The following LRPPRC variants were observed in gnomAD, a reference collection of about 807,000 sequenced individuals.
LRPPRC encodes leucine-rich PPR motif-containing protein, mitochondrial.
In LRPPRC, 120 loss-of-function variants were observed where a neutral mutation model predicts 180.3. That is an observed-to-expected ratio of 0.67 (90% CI 0.57 to 0.77). LRPPRC has a LOEUF of 0.77. LRPPRC is among the 30% of genes least tolerant of loss of function. LRPPRC has a pLI of 0.00. For synonymous variants in LRPPRC, 723 were observed against 600.0 expected (o/e 1.21, Z -3.00); for missense variants, 2,012 against 1,657.2 (o/e 1.21, Z -3.72).
chr2:43,962,589 T>C (rs1175914735), intron 12 of LRPPRC, among the ~76,000 whole-genome samples: 1 of 152,214 alleles, frequency 6.6e-6, no homozygotes, highest in East Asian at 1.9e-4. Context: ...GTTTTGAAAG[T>C]GGAAAACGCA....
At chr2:43,974,899 A>AC in intron 7 of LRPPRC, 141 bp from the exon 8 acceptor site, 1 of 968,736 alleles carries the variant, frequency 1.0e-6, no homozygotes, top group Non-Finnish European at 1.6e-6. Context: ...AACAGGAAAT[A>AC]CTCTACTTCA....
chr2:43,959,749 T>C (rs1673261691), intron 13 of LRPPRC, among the ~76,000 whole-genome samples: 1 of 152,146 alleles, frequency 6.6e-6, no homozygotes, highest in Non-Finnish European at 1.5e-5. Flanking sequence ...CTGGGCATAG[T>C]GGCATGTGCC....
chr2:43,979,767 T>C, intron 3 of LRPPRC, 59 bp downstream of exon 3: 4 of 1,509,510 alleles, frequency 2.6e-6, no homozygotes, highest in Admixed American at 1.7e-5. Context: ...AAACACTTTT[T>C]TGCAAAAAGA....
At chr2:43,890,606 GGGAGGC>G (rs1334067326) in intron 36 of LRPPRC, among the ~76,000 whole-genome samples, 1 of 152,184 alleles carries the variant, frequency 6.6e-6, no homozygotes. Context: ...CCAGCTACTT[GGGAGGC>G]GGAGGCAGGA....
At chr2:43,899,397 G>C in intron 33 of LRPPRC, 63 bp from the exon 34 acceptor site, 6 of 1,602,430 alleles carry the variant, frequency 3.7e-6, no homozygotes, top group Non-Finnish European at 5.1e-6. Flanking sequence ...ACCTACCAAA[G>C]AAATTTGGTC....
At chr2:43,948,026 T>G (rs1473540918) in intron 18 of LRPPRC, 96 bp downstream of exon 18, 1 of 891,724 alleles carries the variant, frequency 1.1e-6, no homozygotes, top group Non-Finnish European at 1.8e-6. Flanking sequence ...AACAAATTTT[T>G]TTTCTGACCA....
intron 20 of LRPPRC, among the ~76,000 whole-genome samples, chr2:43,946,979 G>A (rs955670080): frequency 1.3e-5 from 2 of 151,986 alleles, no homozygotes. Flanking sequence ...ATAAGAGACC[G>A]GAGCCATGGC....
intron 1 of LRPPRC, among the ~76,000 whole-genome samples, chr2:43,987,323 G>C (rs151116631): frequency 2.0e-5 from 3 of 151,738 alleles, no homozygotes; most frequent in African/African-American, 7.3e-5. Flanking sequence ...GCGAAACCCC[G>C]TCTCTAATAA....
chr2:43,909,269 C>T (rs1262540749), intron 30 of LRPPRC, among the ~76,000 whole-genome samples: 1 of 152,104 alleles, frequency 6.6e-6, no homozygotes, highest in Non-Finnish European at 1.5e-5. Flanking sequence ...GACATGCATC[C>T]AAAGCCCAGA....
At chr2:43,966,771 C>T (rs1673579617) in intron 11 of LRPPRC, among the ~76,000 whole-genome samples, 1 of 151,902 alleles carries the variant, frequency 6.6e-6, no homozygotes, top group Admixed American at 6.6e-5. Context: ...TAAATAAAAG[C>T]CCAGCACGGT....
chr2:43,931,894 C>T (rs1285310063), intron 25 of LRPPRC, among the ~76,000 whole-genome samples: 1 of 151,994 alleles, frequency 6.6e-6, no homozygotes, highest in Non-Finnish European at 1.5e-5. Flanking sequence ...CCCCTTCCCT[C>T]CTTCCTTTCC....
intron 27 of LRPPRC, among the ~76,000 whole-genome samples, chr2:43,920,697 A>G (rs1365570665): frequency 6.6e-6 from 1 of 152,150 alleles, no homozygotes; most frequent in East Asian, 1.9e-4. Context: ...AAAAAAAAAA[A>G]AAATCCAAGC....
intron 11 of LRPPRC, among the ~76,000 whole-genome samples, chr2:43,968,133 G>C (rs10175281): frequency 0.38 from 57,459 of 151,846 alleles, 12,240 homozygotes; most frequent in Non-Finnish European, 0.49. Context: ...TAAAGACCCA[G>C]CTCTCCCCCT....
intron 2 of LRPPRC, 61 bp from the exon 3 acceptor site, chr2:43,980,009 T>A: frequency 1.3e-6 from 2 of 1,517,188 alleles, no homozygotes; most frequent in Non-Finnish European, 9.1e-7. Context: ...TAGATAAATA[T>A]CAAAATTTAA....
chr2:43,910,419 G>C (rs1671215211), intron 30 of LRPPRC, among the ~76,000 whole-genome samples: 1 of 152,090 alleles, frequency 6.6e-6, no homozygotes, highest in African/African-American at 2.4e-5. Context: ...ATTTTTAGTA[G>C]AGATGGGGTT....
intron 25 of LRPPRC, among the ~76,000 whole-genome samples, chr2:43,930,775 T>TA (rs769634064): frequency 2.6e-5 from 4 of 152,172 alleles, no homozygotes; most frequent in African/African-American, 4.8e-5. Context: ...GGACCTCCTT[T>TA]ATGGTTCCTG....
chr2:43,948,176 G>A lies in LRPPRC; in HGVS notation c.1866C>T (p.Ile622=), dbSNP rs763070990. 5.6e-6 allele frequency: 9 copies of A among 1,604,280 alleles called. No homozygotes were observed. The Admixed American group carries it at 1.5e-4, about 27-fold the overall frequency. The change falls in exon 18 of 38, where the codon ATC becomes ATT. Residue 622 remains isoleucine, a synonymous_variant. Transcript: ENST00000260665. ...CCAGGAGATTACGAATGCCTCTGTA[G>A]ATATTTTCAGGAATTTTTACATTCT... ...EKMNVKIPEN[I]YRGIRNLLES... is the part of the protein sequence containing the mutation.
In LRPPRC at chr2:43,990,915, G is replaced by A. The variant is rs146844770; in HGVS notation, c.149+4884C>T. On this transcript the variant is annotated intron_variant, in intron 1 of 37. Transcript: ENST00000260665. ...GGCTGGAGTGCAATGGCGTGATCTC[G>A]GCTCACTGCAACCTCCACCTCCCGG... 6.0e-3 allele frequency among the ~76,000 whole-genome samples: 902 copies of A among 150,348 alleles called. 10 individuals are homozygous for A. Among genetic ancestry groups the A allele is most frequent in the African/African-American group, 0.021 (854 of 40,884 alleles).
chr2:43,995,702 G>A (rs902558889), intron 1 of LRPPRC, 97 bp downstream of exon 1: 4 of 1,162,416 alleles, frequency 3.4e-6, no homozygotes, highest in Admixed American at 4.2e-5. Context: ...GGGGAGAAGG[G>A]TGGCGAGCAC....
Sources: allele counts gnomAD v4.1 joint callset (sites outside exome capture counted in the v4.1 genomes callset), GRCh38; gene constraint gnomAD v4.1.1; transcripts MANE v1.5; gene names NCBI Gene and HGNC (gene_info 2026-07-23, HGNC 2026-07-21).